Variants in LY96 observed in about 807,000 individuals in gnomAD.
LY96 encodes myeloid differentiation protein-2.
Under a neutral mutation model 18.9 loss-of-function variants are expected in LY96, and 18 were observed. The observed-to-expected ratio is 0.95, with a 90% CI of 0.66 to 1.41. The LOEUF (loss-of-function observed/expected upper bound fraction) is 1.41. LY96 is among the 40% of genes most tolerant of loss of function. The pLI is 0.00. For missense variants in LY96, 175 were observed against 182.4 expected (o/e 0.96, Z 0.23); for synonymous variants, 66 against 62.6 (o/e 1.06, Z -0.26).
chr8:74,085,817 T>G, the LY96 span, among the ~76,000 whole-genome samples: 1 of 152,234 alleles, frequency 6.6e-6, no homozygotes, highest in Non-Finnish European at 1.5e-5. Context: ...ACATATACAT[T>G]GTGAAATCAT....
downstream of LY96, among the ~76,000 whole-genome samples, chr8:74,031,922 C>A (rs1816978275): frequency 6.6e-6 from 1 of 151,842 alleles, no homozygotes. Context: ...TCAGGAGTTC[C>A]AGACTAGCCT....
At chr8:74,001,228 AT>A (rs772619244) in intron 1 of LY96, among the ~76,000 whole-genome samples, 2,334 of 140,490 alleles carry the variant, frequency 0.017, 38 homozygotes, top group African/African-American at 0.046. Context: ...AAAAAAAAAA[AT>A]TTTTTTTTTT....
At chr8:74,032,968 G>A (rs926394047), downstream of LY96, among the ~76,000 whole-genome samples, 2 of 152,152 alleles carry the variant, frequency 1.3e-5, no homozygotes, top group African/African-American at 4.8e-5. Flanking sequence ...TCATATGCAA[G>A]CCATGTGGGA....
the LY96 span, among the ~76,000 whole-genome samples, chr8:74,050,173 T>A: frequency 2.6e-5 from 4 of 151,906 alleles, no homozygotes; most frequent in Non-Finnish European, 5.9e-5. Context: ...TGAAACCCCA[T>A]CTCTACTAAA....
chr8:74,072,950 A>G, the LY96 span, among the ~76,000 whole-genome samples: 1 of 152,092 alleles, frequency 6.6e-6, no homozygotes, highest in African/African-American at 2.4e-5. Context: ...GGTTTTTGCA[A>G]CTCAAGAAGT....
chr8:73,993,440 T>C (rs1162062344), intron 1 of LY96, among the ~76,000 whole-genome samples: 1 of 152,112 alleles, frequency 6.6e-6, no homozygotes, highest in African/African-American at 2.4e-5. Context: ...CACACTTGTC[T>C]AATTATTAAT....
the LY96 span, among the ~76,000 whole-genome samples, chr8:74,068,102 A>ATATATAT: frequency 2.2e-5 from 3 of 139,306 alleles, no homozygotes; most frequent in South Asian, 2.2e-4. Context: ...ATATATATAT[A>ATATATAT]ACATTTCCTT....
At chr8:74,067,018 A>G in the LY96 span, among the ~76,000 whole-genome samples, 1 of 152,242 alleles carries the variant, frequency 6.6e-6, no homozygotes, top group African/African-American at 2.4e-5. Flanking sequence ...ACAGTGTGTC[A>G]GGCAAGTGTT....
At position 73,991,624 on chromosome 8, in the gene LY96, AC is replaced by A. The variant is rs1441259719; in HGVS notation, c.112+71del. On this transcript the variant is annotated intron_variant, in intron 1 of 4. Transcript: ENST00000284818. ...GAGGGTAAGTTTTCACGAGAACCGT[AC>A]ACTGTTGTGGCTGGAACACACGAAA... The A allele has an allele frequency of 1.4e-5, 13 of 909,038 alleles. No homozygotes were observed. The African/African-American group carries it at 1.5e-4, about 10-fold the overall frequency. 56.3% of individuals were successfully genotyped at this position (909,038 alleles called of 1,614,324 possible). A position where few individuals can be genotyped will look rare whatever the true frequency, so the allele number is the denominator to read the frequency against.
At chr8:74,056,529 G>T in the LY96 span, 1 of 159,778 alleles carries the variant, frequency 6.3e-6, no homozygotes, top group South Asian at 1.7e-4. Flanking sequence ...AGTTTGAATC[G>T]AGAAAACTCA....
the LY96 span, among the ~76,000 whole-genome samples, chr8:74,081,087 C>CTCTTTCTTTCTTTCTTTCTTTCTTTCTT: frequency 1.5e-4 from 14 of 92,954 alleles, no homozygotes; most frequent in East Asian, 1.6e-3. Context: ...TTCTCTTTCT[C>CTCTTTCTTTCTTTCTTTCTTTCTTTCTT]TCTTTCTTTC....
chr8:74,040,181 T>G, the LY96 span, among the ~76,000 whole-genome samples: 1 of 152,364 alleles, frequency 6.6e-6, no homozygotes, highest in South Asian at 2.1e-4. Context: ...TATTAAAAGC[T>G]AATGATTAAT....
chr8:74,004,980 C>A, intron 2 of LY96, 95 bp downstream of exon 2: 1 of 1,327,606 alleles, frequency 7.5e-7, no homozygotes. Flanking sequence ...TATTCGTTAT[C>A]TATTGCTACG....
rs541600290 is a variant in LY96, at chr8:73,996,372, C to CCTTTCTTTCTTTCTTTCTTTCTTT, written c.112+4863_112+4886dup. Among the ~76,000 whole-genome samples the CCTTTCTTTCTTTCTTTCTTTCTTT allele has an allele frequency of 9.9e-4, 110 of 110,954 alleles. 1 individual carries two copies. Among genetic ancestry groups the CCTTTCTTTCTTTCTTTCTTTCTTT allele is most frequent in the Middle Eastern group, 4.6e-3 (1 of 216 alleles). The allele number at this position is 110,954 out of a possible 152,430, so 72.8% of individuals were successfully genotyped here. ...TCCTTCCTTCCTTCCTTCCTTCATT[C>CCTTTCTTTCTTTCTTTCTTTCTTT]CTTTCTTTCTTTCTTTCTTTCTTTC... On this transcript the variant is annotated intron_variant, in intron 1 of 4. Transcript: ENST00000284818.
At chr8:74,069,898 G>A in the LY96 span, among the ~76,000 whole-genome samples, 5 of 152,204 alleles carry the variant, frequency 3.3e-5, no homozygotes, top group South Asian at 2.1e-4. Flanking sequence ...CACTGTGCCC[G>A]GCCCATTTAT....
the LY96 span, among the ~76,000 whole-genome samples, chr8:74,067,382 A>G: frequency 6.6e-6 from 1 of 152,032 alleles, no homozygotes; most frequent in Non-Finnish European, 1.5e-5. Context: ...GGTGTGCACC[A>G]CCATGTGTAA....
chr8:74,064,478 ATTGT>A, the LY96 span, among the ~76,000 whole-genome samples: 1 of 152,156 alleles, frequency 6.6e-6, no homozygotes, highest in Admixed American at 6.6e-5. Flanking sequence ...ATTTTTAAAA[ATTGT>A]TTATTTATTT....
At chr8:74,056,831 C>T in the LY96 span, among the ~76,000 whole-genome samples, 1 of 152,140 alleles carries the variant, frequency 6.6e-6, no homozygotes, top group Non-Finnish European at 1.5e-5. Context: ...GGCAGGTGGA[C>T]AACTTGATTT....
chr8:74,034,823 A>G, the LY96 span, among the ~76,000 whole-genome samples: 38 of 152,226 alleles, frequency 2.5e-4, no homozygotes, highest in African/African-American at 8.2e-4. Flanking sequence ...TGAGATTGTA[A>G]GGGCCAGTTT....
Sources: gnomAD v4.1 joint callset for allele counts (sites outside exome capture counted in the v4.1 genomes callset) on GRCh38, gnomAD v4.1.1 for gene constraint, MANE v1.5 for transcripts, NCBI Gene and HGNC (gene_info 2026-07-23, HGNC 2026-07-21) for gene names.